Variants in SPOPL observed in about 807,000 individuals in gnomAD.
SPOPL encodes speckle type BTB/POZ protein like.
A neutral mutation model predicts 53.8 loss-of-function variants in SPOPL; 23 were observed. The ratio of observed to expected loss-of-function variants is 0.43; its 90% CI spans 0.31 to 0.61. The LOEUF (loss-of-function observed/expected upper bound fraction) is 0.61. SPOPL is among the 20% of genes least tolerant of loss of function. The pLI is 0.12. For missense variants in SPOPL, 442 were observed against 466.9 expected (o/e 0.95, Z 0.49); for synonymous variants, 164 against 149.7 (o/e 1.10, Z -0.70).
chr2:138,526,275 A>G (rs1412472937), intron 1 of SPOPL, among the ~76,000 whole-genome samples: 2 of 152,164 alleles, frequency 1.3e-5, no homozygotes, highest in Non-Finnish European at 2.9e-5. Flanking sequence ...AAATTTTCCA[A>G]GTGGAAAATT....
chr2:138,507,525 C>A, intron 1 of SPOPL, among the ~76,000 whole-genome samples: 1 of 152,172 alleles, frequency 6.6e-6, no homozygotes, highest in East Asian at 1.9e-4. Context: ...AGGAAAATGA[C>A]CCTTGAGCAG....
At chr2:138,561,024 G>A in intron 8 of SPOPL, 97 bp downstream of exon 8, 1 of 1,436,938 alleles carries the variant, frequency 7.0e-7, no homozygotes, top group Non-Finnish European at 9.4e-7. Context: ...CTCGTATTTT[G>A]TAGATGGCTC....
chr2:138,512,659 A>C (rs1018951208), intron 1 of SPOPL, among the ~76,000 whole-genome samples: 3 of 152,206 alleles, frequency 2.0e-5, no homozygotes, highest in African/African-American at 7.2e-5. Context: ...TGATAACAAA[A>C]ATGGGTTAAG....
chr2:138,562,864 GTGTT>G (rs1685580194), intron 8 of SPOPL, among the ~76,000 whole-genome samples: 3 of 148,468 alleles, frequency 2.0e-5, no homozygotes, highest in South Asian at 4.3e-4. Context: ...ATAAAAGAAA[GTGTT>G]TGTGATGTTA....
In SPOPL at chr2:138,570,360, G is replaced by C. The variant is rs1275454357; in HGVS notation, c.*1280G>C. ...ATGATACTGAAATTCTGCATAATGTGAACAGGATAAACTATTTATAAACTG... is the reference window on the plus strand; with the variant it reads ...ATGATACTGAAATTCTGCATAATGTCAACAGGATAAACTATTTATAAACTG... On this transcript the variant is annotated 3_prime_UTR_variant, in exon 11 of 11. Transcript: ENST00000280098. 1 of 152,176 alleles carries C rather than the reference G, an allele frequency of 6.6e-6. No individual in the cohort carries two copies. The highest frequency in any genetic ancestry group is 1.5e-5 in the Non-Finnish European group (1 of 68,020). The allele number at this position is 152,176 out of a possible 1,614,324, so 9.4% of individuals were successfully genotyped here.
In SPOPL at chr2:138,564,742, A is replaced by T; in HGVS notation, c.872A>T (p.Glu291Val). ...ALERLKVMCE[E>V]ALCSNLSVEN... is the part of the protein sequence containing the mutation. ...GAACGGCTGAAGGTCATGTGCGAAG[A>T]AGCTTTGTGTAGTAACCTCTCAGTA... The change falls in exon 9 of 11, where the codon GAA becomes GTA. Residue 291 changes from glutamate (E) to valine (V), a missense_variant. By Grantham distance (121) the Glu-to-Val change is moderately radical (BLOSUM62 -2). Transcript: ENST00000280098. The T allele has an allele frequency of 6.2e-7, 1 of 1,614,192 alleles. No homozygotes were observed. Among genetic ancestry groups the T allele is most frequent in the Middle Eastern group, 1.6e-4 (1 of 6,062 alleles).
Position 138,520,789 on chromosome 2 carries a change from G to T in SPOPL, c.-61+18670G>T, listed in dbSNP as rs545427445. ...CTAACTGCTAGTCTGGCCCATTGTA[G>T]TTTACTACCCTGTTTATATATTACT... On this transcript the variant is annotated intron_variant, in intron 1 of 10. Transcript: ENST00000280098. 3.3e-5 allele frequency among the ~76,000 whole-genome samples: 5 copies of T among 151,932 alleles called. No individual in the cohort carries two copies. In the South Asian group the frequency reaches 1.0e-3, roughly 31 times the overall value.
chr2:138,503,149 T>C (rs1684143066), intron 1 of SPOPL, among the ~76,000 whole-genome samples: 2 of 152,232 alleles, frequency 1.3e-5, no homozygotes, highest in African/African-American at 4.8e-5. Context: ...ATATTTCAAA[T>C]TACCATTTCA....
At chr2:138,503,734 G>C (rs1039192805) in intron 1 of SPOPL, among the ~76,000 whole-genome samples, 52 of 152,258 alleles carry the variant, frequency 3.4e-4, no homozygotes, top group African/African-American at 1.1e-3. Flanking sequence ...TGAAAGTACT[G>C]TGTATAACAG....
chr2:138,515,839 G>A (rs1238391508), intron 1 of SPOPL, among the ~76,000 whole-genome samples: 2 of 151,898 alleles, frequency 1.3e-5, no homozygotes, highest in African/African-American at 4.8e-5. Flanking sequence ...TTTTATAACT[G>A]GCTTCATTTC....
At chr2:138,557,717 G>A (rs776268800) in intron 5 of SPOPL, among the ~76,000 whole-genome samples, 1 of 152,082 alleles carries the variant, frequency 6.6e-6, no homozygotes, top group Non-Finnish European at 1.5e-5. Flanking sequence ...AAGTAATGTA[G>A]CACTTTTTGT....
intron 1 of SPOPL, among the ~76,000 whole-genome samples, chr2:138,529,535 T>TGCGCGCGCGC (rs1553469117): frequency 2.9e-5 from 3 of 103,226 alleles, no homozygotes; most frequent in Non-Finnish European, 6.5e-5. Context: ...TGTGTGTGTG[T>TGCGCGCGCGC]TTGCGTGCGC....
intron 5 of SPOPL, among the ~76,000 whole-genome samples, chr2:138,553,148 G>A (rs1685351047): frequency 6.6e-6 from 1 of 152,036 alleles, no homozygotes; most frequent in Non-Finnish European, 1.5e-5. Flanking sequence ...TAATTAAATA[G>A]CATTCTAAGA....
intron 8 of SPOPL, among the ~76,000 whole-genome samples, chr2:138,561,731 GA>G (rs1031956298): frequency 1.3e-5 from 2 of 152,006 alleles, no homozygotes; most frequent in African/African-American, 4.8e-5. Flanking sequence ...ATATACATTT[GA>G]AAAAAGAGGG....
Position 138,565,753 on chromosome 2 carries a change from A to T in SPOPL, c.1034+760A>T, listed in dbSNP as rs546655629. ...AGTGGGAATTTTTTTTTTTTTTTTG[A>T]GACAGAGTCTCACACTGTTGCCCTG... On this transcript the variant is annotated intron_variant, in intron 10 of 10. Transcript: ENST00000280098. 5.6e-4 allele frequency among the ~76,000 whole-genome samples: 82 copies of T among 146,012 alleles called. 1 individual carries two copies. The highest frequency in any genetic ancestry group is 1.9e-3 in the African/African-American group (76 of 39,380).
intron 1 of SPOPL, among the ~76,000 whole-genome samples, chr2:138,516,702 G>C (rs558438611): frequency 6.6e-6 from 1 of 152,098 alleles, no homozygotes; most frequent in African/African-American, 2.4e-5. Flanking sequence ...AGGGGAAGAG[G>C]GTATAGCATT....
chr2:138,555,331 T>C (rs1014824385), intron 5 of SPOPL, among the ~76,000 whole-genome samples: 1 of 152,160 alleles, frequency 6.6e-6, no homozygotes, highest in African/African-American at 2.4e-5. Context: ...TGAAATACAT[T>C]CAAATCATAG....
In SPOPL at chr2:138,572,789, T is replaced by A. The variant is rs1256003174; in HGVS notation, c.*3709T>A. On this transcript the variant is annotated 3_prime_UTR_variant, in exon 11 of 11. Coordinates refer to ENST00000280098, the MANE Select transcript of SPOPL (RefSeq NM_001001664.3). The stretch of plus-strand genomic sequence containing the variant: ...TTCATGGAATGATGTAAATTTTAGG[T>A]CCAGTTGAACAAATATTGAGTGCCT... 1 of 152,544 alleles carries A rather than the reference T, an allele frequency of 6.6e-6. No homozygotes were observed. Among genetic ancestry groups the A allele is most frequent in the African/African-American group, 2.4e-5 (1 of 41,438 alleles). 9.4% of individuals were successfully genotyped at this position (152,544 alleles called of 1,614,324 possible).
rs1262445221 is a variant in SPOPL, at chr2:138,572,618, C to T, written c.*3538C>T. 4 of 152,532 alleles carry T rather than the reference C, an allele frequency of 2.6e-5. No individual in the cohort carries two copies. Among genetic ancestry groups the T allele is most frequent in the African/African-American group, 9.7e-5 (4 of 41,434 alleles). 9.4% of individuals were successfully genotyped at this position (152,532 alleles called of 1,614,324 possible). ...ATAAAATAAAAATATTCAATTTATT[C>T]TTACAAAAGAAGGTGGGTGGGTGAG... On this transcript the variant is annotated 3_prime_UTR_variant, in exon 11 of 11. Coordinates refer to ENST00000280098, the MANE Select transcript of SPOPL (RefSeq NM_001001664.3).
Sources: gnomAD v4.1 joint callset for allele counts (sites outside exome capture counted in the v4.1 genomes callset) on GRCh38, gnomAD v4.1.1 for gene constraint, MANE v1.5 for transcripts, NCBI Gene and HGNC (gene_info 2026-07-23, HGNC 2026-07-21) for gene names.